Variants in FAM50A observed in about 807,000 individuals in gnomAD.
FAM50A encodes family with sequence similarity 50 member A, also known as protein FAM50A.
In FAM50A, 6 loss-of-function variants were observed where a neutral mutation model predicts 35.5. The observed-to-expected ratio is 0.17, with a 90% confidence interval of 0.09 to 0.33. The LOEUF (loss-of-function observed/expected upper bound fraction) is 0.33, where lower values mean the gene tolerates loss of function less well. FAM50A is among the 10% of genes least tolerant of loss of function. FAM50A has a pLI of 1.00. For synonymous variants in FAM50A, 120 were observed against 110.9 expected (o/e 1.08, Z -0.52); for missense variants, 145 against 295.5 (o/e 0.49, Z 3.73).
Position 154,448,771 on chromosome X carries a change from A to G in FAM50A, c.586+15A>G. 1 of 1,206,804 alleles carries G rather than the reference A, an allele frequency of 8.3e-7. No homozygotes were observed. On this transcript the variant is annotated intron_variant, in intron 6 of 12. Coordinates refer to ENST00000393600, the MANE Select transcript of FAM50A (RefSeq NM_004699.4). Reference sequence around the variant, plus strand: ...GAAGATCAAGAGTGAGTGTTTGCGGAGTCAGACGCGAGGGGCCTGGGCCCA... The same window carrying G: ...GAAGATCAAGAGTGAGTGTTTGCGGGGTCAGACGCGAGGGGCCTGGGCCCA...
chrX:154,446,678 A>G, intron 4 of FAM50A, 118 bp downstream of exon 4: 1 of 1,003,218 alleles, frequency 1.0e-6, no homozygotes, highest in South Asian at 2.5e-5. Context: ...TGCCCTCTTG[A>G]GGCACCGCGC....
At chrX:154,446,394 G>T (rs1557199822) in intron 3 of FAM50A, 21 bp from the exon 4 acceptor site, 1 of 1,204,409 alleles carries the variant, frequency 8.3e-7, no homozygotes, top group Admixed American at 2.2e-5. Context: ...ATGTGTGATG[G>T]GGCCACCTGC....
chrX:154,444,190 G>GCCGCCGCCGCCGC lies in FAM50A; in HGVS notation c.-31_-19dup, dbSNP rs1277762855. 7.2e-3 allele frequency: 3,584 copies of GCCGCCGCCGCCGC among 496,582 alleles called. 142 individuals carry two copies. The African/African-American group carries it at 0.09, about 12-fold the overall frequency. The allele number at this position is 496,582 out of a possible 1,213,427, so 40.9% of individuals were successfully genotyped here. A position where few individuals can be genotyped will look rare whatever the true frequency, so the allele number is the denominator to read the frequency against. On this transcript the variant is annotated 5_prime_UTR_variant, in exon 1 of 13. Transcript: ENST00000393600. ...CGCTGCCGCTGCCGCTGTCGCTGTC[G>GCCGCCGCCGCCGC]CCGCCGCCGCCGCCCGCCGCCGCCG...
In FAM50A at chrX:154,448,767, G is replaced by A. The variant is rs1557200135; in HGVS notation, c.586+11G>A. On this transcript the variant is annotated intron_variant, in intron 6 of 12. Coordinates refer to ENST00000393600, the MANE Select transcript of FAM50A (RefSeq NM_004699.4). ...AGGAGAAGATCAAGAGTGAGTGTTTGCGGAGTCAGACGCGAGGGGCCTGGG... is the reference window on the plus strand; with the variant it reads ...AGGAGAAGATCAAGAGTGAGTGTTTACGGAGTCAGACGCGAGGGGCCTGGG... 1 of 1,208,693 alleles carries A rather than the reference G, an allele frequency of 8.3e-7. No homozygotes were observed. The highest frequency in any genetic ancestry group is 1.1e-6 in the Non-Finnish European group (1 of 893,037).
intron 1 of FAM50A, 72 bp downstream of exon 1, chrX:154,444,418 T>C: frequency 1.5e-6 from 1 of 648,632 alleles, no homozygotes; most frequent in South Asian, 4.1e-5. Context: ...GCTCCGGCCC[T>C]GGAAGCCCTG....
At chrX:154,448,064 T>C (rs1170450261) in intron 4 of FAM50A, among the ~76,000 whole-genome samples, 2 of 92,569 alleles carry the variant, frequency 2.2e-5, no homozygotes, top group South Asian at 4.2e-4. Context: ...CTTTTCTTTT[T>C]TTTCTTTCTT....
chrX:154,446,656 G>A (rs2068783812), intron 4 of FAM50A, 96 bp downstream of exon 4: 3 of 1,081,024 alleles, frequency 2.8e-6, no homozygotes, highest in African/African-American at 3.8e-5. Context: ...CTGTCAAGAT[G>A]GCTCCAAAAG....
Position 154,448,494 on chromosome X carries a change from G to A in FAM50A, c.453G>A (p.Thr151=), listed in dbSNP as rs376854959. The A allele has an allele frequency of 4.6e-5, 55 of 1,206,096 alleles. No homozygotes were observed. In the African/African-American group the frequency reaches 6.0e-4, roughly 13 times the overall value. Residue 151 remains threonine, a synonymous_variant, in exon 5 of 13, where the codon ACG becomes ACA. Transcript: ENST00000393600. The part of the protein sequence containing the change: ...EEEMEREEIT[T]KKRKLGKNPD... ...TTCCTTTTGTTCCAGAGATCACCAC[G>A]AAGAAGAGAAAACTGGGGAAGAACC...
chrX:154,447,227 G>A (rs782544073), intron 4 of FAM50A, among the ~76,000 whole-genome samples: 87 of 112,597 alleles, frequency 7.7e-4, no homozygotes, highest in Non-Finnish European at 1.3e-3. Flanking sequence ...CATGCCAGAA[G>A]CCCAGCAGGA....
At chrX:154,448,259 G>A (rs782495159) in intron 4 of FAM50A, among the ~76,000 whole-genome samples, 5 of 106,626 alleles carry the variant, frequency 4.7e-5, no homozygotes, top group Non-Finnish European at 9.7e-5. Flanking sequence ...GTAGAGACGA[G>A]GTCTTGCTAT....
chrX:154,445,640 T>G lies in FAM50A; in HGVS notation c.119T>G (p.Ile40Ser), dbSNP rs2068779485. 1 of 1,206,487 alleles carries G rather than the reference T, an allele frequency of 8.3e-7. No individual in the cohort carries two copies. Among genetic ancestry groups the G allele is most frequent in the South Asian group, 1.8e-5 (1 of 56,866 alleles). ...GGCTGTCACTCCCCGCAGGAGAACA[T>G]CATGAAATCCAACATTGACAAGAAG... ...QMKQRIAEEN[I>S]MKSNIDKKFS... Residue 40 changes from isoleucine (I) to serine (S), a missense_variant, in exon 2 of 13, where the codon ATC (isoleucine) becomes AGC (serine). Transcript: ENST00000393600.
intron 3 of FAM50A, 146 bp from the exon 4 acceptor site, chrX:154,446,269 C>T (rs2068782327): frequency 9.4e-6 from 5 of 529,392 alleles, no homozygotes; most frequent in Non-Finnish European, 1.3e-5. Context: ...TGATCCAGGA[C>T]AGCAGGACCC....
intron 9 of FAM50A, 34 bp from the exon 10 acceptor site, chrX:154,449,849 A>C (rs1324416711): frequency 1.7e-6 from 2 of 1,206,873 alleles, no homozygotes; most frequent in Admixed American, 2.2e-5. Context: ...GAGATGGACC[A>C]TCAAGACGCC....
chrX:154,449,576 G>A lies in FAM50A; in HGVS notation c.726-105G>A, dbSNP rs1161601851. The A allele has an allele frequency of 2.0e-5, 14 of 701,578 alleles. No individual in the cohort carries two copies. The South Asian group carries it at 2.0e-4, about 10-fold the overall frequency. 57.8% of individuals were successfully genotyped at this position (701,578 alleles called of 1,213,427 possible). On this transcript the variant is annotated intron_variant, in intron 8 of 12. Coordinates refer to ENST00000393600, the MANE Select transcript of FAM50A (RefSeq NM_004699.4). ...GAGCTTCCCTCACAGCCAACTGGCC[G>A]CTGCTTCCCAGCCCCAGCATGGGCT...
At chrX:154,445,204 A>G (rs2068777502) in intron 1 of FAM50A, among the ~76,000 whole-genome samples, 1 of 111,874 alleles carries the variant, frequency 8.9e-6, no homozygotes, top group Admixed American at 9.4e-5. Context: ...CTGGGGCCAA[A>G]GAGAGGCCTC....
intron 11 of FAM50A, 23 bp downstream of exon 11, chrX:154,450,122 A>G: frequency 8.3e-7 from 1 of 1,205,436 alleles, no homozygotes; most frequent in Non-Finnish European, 1.1e-6. Context: ...GGGCCGTGTG[A>G]GGGGGAACGG....
Position 154,450,457 on chromosome X carries a change from G to T in FAM50A, c.*25G>T, listed in dbSNP as rs782557880. 2 of 1,203,596 alleles carry T rather than the reference G, an allele frequency of 1.7e-6. No homozygotes were observed. The highest frequency in any genetic ancestry group is 2.2e-6 in the Non-Finnish European group (2 of 891,258). Reference sequence around the variant, plus strand: ...AGCATCCAGGAGGCTGCGCGGCCCCGGCTCCTCAGCTCCCTCAGTGTGCCC... The same window carrying T: ...AGCATCCAGGAGGCTGCGCGGCCCCTGCTCCTCAGCTCCCTCAGTGTGCCC... On this transcript the variant is annotated 3_prime_UTR_variant, in exon 13 of 13. Transcript: ENST00000393600.
At chrX:154,446,884 G>A (rs979583394) in intron 4 of FAM50A, among the ~76,000 whole-genome samples, 21 of 112,411 alleles carry the variant, frequency 1.9e-4, no homozygotes, top group Non-Finnish European at 3.4e-4. Context: ...CAGAAATTCC[G>A]AGGCTACTAG....
In FAM50A at chrX:154,444,188, TCGCCGC is replaced by T. The variant is rs1163232366; in HGVS notation, c.-37_-32del. ...GCCGCTGCCGCTGCCGCTGTCGCTG[TCGCCGC>T]CGCCGCCGCCCGCCGCCGCCGCCGC... On this transcript the variant is annotated 5_prime_UTR_variant, in exon 1 of 13. Transcript: ENST00000393600. 1.8e-5 allele frequency: 9 copies of T among 507,840 alleles called. No homozygotes were observed. Among genetic ancestry groups the T allele is most frequent in the African/African-American group, 9.1e-5 (3 of 33,111 alleles). The allele number at this position is 507,840 out of a possible 1,213,427, so 41.9% of individuals were successfully genotyped here.
Sources: allele counts gnomAD v4.1 joint callset (sites outside exome capture counted in the v4.1 genomes callset), GRCh38; gene constraint gnomAD v4.1.1; transcripts MANE v1.5; gene names NCBI Gene and HGNC (gene_info 2026-07-23, HGNC 2026-07-21).